LRRC49: variants seen among roughly 807,000 people sequenced by gnomAD.
LRRC49 encodes the protein leucine-rich repeat-containing protein 49.
LRRC49 carries 50 observed loss-of-function variants against 83.3 expected under a neutral mutation model. The observed-to-expected ratio is 0.60, with a 90% CI of 0.48 to 0.76. The LOEUF (loss-of-function observed/expected upper bound fraction) is 0.76. LRRC49 is among the 30% of genes least tolerant of loss of function. The pLI is 0.00. For synonymous variants in LRRC49, 286 were observed against 283.3 expected, an observed-to-expected ratio of 1.01 and a Z score of -0.10; for missense variants, 704 against 809.1, an observed-to-expected ratio of 0.87 and a Z score of 1.58.
Position 71,049,493 on chromosome 15 carries a change from G to A in LRRC49, c.1942G>A (p.Ala648Thr), listed in dbSNP as rs778951753. 6.2e-6 allele frequency: 10 copies of A among 1,613,686 alleles called. No homozygotes were observed. In the Admixed American group the frequency reaches 1.7e-4, roughly 27 times the overall value. The stretch of plus-strand genomic sequence containing the variant: ...CACAGAAATCAACATGAAAAATGAG[G>A]CTTTGCAGAAGCTTTGGCCACAGAT... ...EATEINMKNEALQKLWPQMFI... is the reference protein window; with the variant it reads ...EATEINMKNETLQKLWPQMFI... Residue 648 changes from alanine (A) to threonine (T), a missense_variant, in exon 16 of 16, where the codon GCT (alanine) becomes ACT (threonine). Physicochemically the swap from Ala to Thr is moderately conservative, Grantham distance 58 (BLOSUM62 0). Transcript: ENST00000260382.
Position 70,853,932 on chromosome 15 carries a change from C to T in LRRC49, c.-299+463C>T, listed in dbSNP as rs1246203639. On this transcript the variant is annotated intron_variant, in intron 1 of 16. Coordinates refer to the LRRC49 transcript ENST00000544974. The stretch of plus-strand genomic sequence containing the variant: ...TCCTCCTCGCTCGCGCTGCCCCAGC[C>T]GGGGCTGAGGTACCGGGCCGGGTCC... 4.2e-6 allele frequency: 6 copies of T among 1,420,454 alleles called. No individual in the cohort carries two copies. The African/African-American group carries it at 7.4e-5, about 18-fold the overall frequency. 88.0% of individuals were successfully genotyped at this position (1,420,454 alleles called of 1,614,324 possible). A position where few individuals can be genotyped will look rare whatever the true frequency, so the allele number is the denominator to read the frequency against.
chr15:70,921,122 A>G (rs981309283), intron 7 of LRRC49, among the ~76,000 whole-genome samples: 4 of 152,180 alleles, frequency 2.6e-5, no homozygotes, highest in African/African-American at 9.7e-5. Context: ...TCACTCTAGA[A>G]TAATCACTAG....
upstream of LRRC49, chr15:70,892,669 A>C: frequency 6.9e-7 from 1 of 1,449,054 alleles, no homozygotes; most frequent in Non-Finnish European, 9.0e-7. Context: ...GGCTGGGAAA[A>C]TAGAACGAGG....
intron 14 of LRRC49, among the ~76,000 whole-genome samples, chr15:71,016,918 C>A (rs1159622638): frequency 6.6e-6 from 1 of 151,908 alleles, no homozygotes; most frequent in Admixed American, 6.6e-5. Flanking sequence ...CCAGCCTGGG[C>A]AACATGGCAA....
At chr15:71,001,588 C>G (rs2038257403) in intron 11 of LRRC49, among the ~76,000 whole-genome samples, 1 of 152,190 alleles carries the variant, frequency 6.6e-6, no homozygotes, top group African/African-American at 2.4e-5. Context: ...TCTTCCCCTA[C>G]TGCACTTGTT....
chr15:70,984,018 C>A, intron 10 of LRRC49, 76 bp from the exon 11 acceptor site: 1 of 1,084,726 alleles, frequency 9.2e-7, no homozygotes, highest in Non-Finnish European at 1.4e-6. Context: ...AAGGCACAAA[C>A]AATATGCCCC....
At chr15:71,006,366 C>T (rs1188210985) in intron 11 of LRRC49, among the ~76,000 whole-genome samples, 1 of 152,090 alleles carries the variant, frequency 6.6e-6, no homozygotes, top group Non-Finnish European at 1.5e-5. Flanking sequence ...CATCATTTCC[C>T]AAAGGGTTTG....
chr15:71,023,603 C>T (rs2039062384), intron 14 of LRRC49, among the ~76,000 whole-genome samples: 1 of 152,108 alleles, frequency 6.6e-6, no homozygotes, highest in African/African-American at 2.4e-5. Context: ...GAGAGCCACA[C>T]AGGGCAAGGG....
At position 70,925,578 on chromosome 15, in the gene LRRC49, T is replaced by A. The variant is rs2035165245; in HGVS notation, c.711+6385T>A. On this transcript the variant is annotated intron_variant, in intron 7 of 15. Transcript: ENST00000260382. ...AAGAAATTTCAAAATAACAAGAAGC[T>A]GTGTGAACAATTCATATTGGTGCTT... is the stretch of plus-strand genomic sequence containing the variant. Among the ~76,000 whole-genome samples, 3 of 152,154 alleles carry A rather than the reference T, an allele frequency of 2.0e-5. No homozygotes were observed. The South Asian group carries it at 6.2e-4, about 31-fold the overall frequency.
chr15:71,005,932 C>G (rs2038442306), intron 11 of LRRC49, among the ~76,000 whole-genome samples: 1 of 152,172 alleles, frequency 6.6e-6, no homozygotes, highest in Admixed American at 6.5e-5. Flanking sequence ...TCAGAACACA[C>G]TTTCCCAGAG....
At chr15:70,874,062 T>G (rs1477690717) in intron 2 of LRRC49, among the ~76,000 whole-genome samples, 1 of 152,196 alleles carries the variant, frequency 6.6e-6, no homozygotes, top group Non-Finnish European at 1.5e-5. Flanking sequence ...TGTCATTTAG[T>G]CCAGCTAGGG....
At position 70,989,960 on chromosome 15, in the gene LRRC49, G is replaced by A. The variant is rs1053011554; in HGVS notation, c.1169+5703G>A. Among the ~76,000 whole-genome samples, 4 of 152,278 alleles carry A rather than the reference G, an allele frequency of 2.6e-5. No homozygotes were observed. The East Asian group carries it at 5.8e-4, about 22-fold the overall frequency. On this transcript the variant is annotated intron_variant, in intron 11 of 15. Coordinates refer to ENST00000260382, the MANE Select transcript of LRRC49 (RefSeq NM_017691.5). ...GCAGAACAGCGGATTTTTGTGAACC[G>A]CGAATGCTGCTGTCTGATCGTTCCT...
At chr15:70,885,519 T>A (rs570650600) in intron 2 of LRRC49, among the ~76,000 whole-genome samples, 2 of 152,164 alleles carry the variant, frequency 1.3e-5, no homozygotes, top group South Asian at 4.1e-4. Flanking sequence ...GGGGTAACCA[T>A]AGGACAGAAT....
chr15:71,031,345 G>T (rs2039345483), intron 14 of LRRC49, among the ~76,000 whole-genome samples: 1 of 152,206 alleles, frequency 6.6e-6, no homozygotes, highest in South Asian at 2.1e-4. Context: ...AGCAAAGATT[G>T]CTGCCTGCTC....
chr15:70,974,300 G>A (rs972453410), intron 9 of LRRC49, among the ~76,000 whole-genome samples: 1 of 152,110 alleles, frequency 6.6e-6, no homozygotes, highest in African/African-American at 2.4e-5. Flanking sequence ...CAGTGTTTTG[G>A]TATTTAAGCA....
At chr15:70,992,626 A>G (rs1017923615) in intron 11 of LRRC49, among the ~76,000 whole-genome samples, 1 of 152,198 alleles carries the variant, frequency 6.6e-6, no homozygotes, top group Non-Finnish European at 1.5e-5. Flanking sequence ...AACAGCAAAT[A>G]TTGCTGAACA....
intron 8 of LRRC49, among the ~76,000 whole-genome samples, chr15:70,939,952 G>A (rs2035748550): frequency 6.7e-6 from 1 of 150,312 alleles, no homozygotes; most frequent in Non-Finnish European, 1.5e-5. Context: ...GGTCACTGAA[G>A]CACACGCTTT....
At chr15:70,964,270 G>A (rs371104929) in intron 9 of LRRC49, among the ~76,000 whole-genome samples, 9 of 152,138 alleles carry the variant, frequency 5.9e-5, no homozygotes, top group African/African-American at 2.2e-4. Flanking sequence ...GGACACTGGA[G>A]CCAGATTGCC....
intron 10 of LRRC49, among the ~76,000 whole-genome samples, chr15:70,981,063 GTA>G (rs937905723): frequency 2.6e-5 from 4 of 152,190 alleles, no homozygotes; most frequent in Admixed American, 2.0e-4. Flanking sequence ...GGTTTACTTA[GTA>G]TTTTTATTTT....
Sources: allele counts gnomAD v4.1 joint callset (sites outside exome capture counted in the v4.1 genomes callset), GRCh38; gene constraint gnomAD v4.1.1; transcripts MANE v1.5; gene names NCBI Gene and HGNC (gene_info 2026-07-23, HGNC 2026-07-21).